Variants in SUSD4 observed in about 807,000 individuals in gnomAD.
SUSD4 encodes the protein sushi domain containing 4, also known as sushi domain-containing protein 4.
SUSD4 carries 41 observed loss-of-function variants against 50.5 expected under a neutral mutation model. The observed-to-expected ratio is 0.81, with a 90% CI of 0.63 to 1.05. SUSD4 has a LOEUF of 1.05. Among genes scored for constraint, SUSD4 ranks in the 50% least tolerant of loss-of-function variants. The probability of loss-of-function intolerance (pLI) is 0.00; values close to 1 mark genes in which losing one functional copy is unlikely to be tolerated. For missense variants in SUSD4, 580 were observed against 634.7 expected, an observed-to-expected ratio of 0.91 and a Z score of 0.93; for synonymous variants, 257 against 257.3, an observed-to-expected ratio of 1.00 and a Z score of 0.01.
At chr1:223,224,624 C>T (rs1050994124) in intron 7 of SUSD4, among the ~76,000 whole-genome samples, 25 of 152,190 alleles carry the variant, frequency 1.6e-4, no homozygotes, top group African/African-American at 6.0e-4. Flanking sequence ...GGTGTGAGGG[C>T]TCCAGGAGCG....
At chr1:223,262,579 T>C (rs1662199234) in intron 5 of SUSD4, among the ~76,000 whole-genome samples, 1 of 152,206 alleles carries the variant, frequency 6.6e-6, no homozygotes, top group South Asian at 2.1e-4. Flanking sequence ...GGATAACTTG[T>C]TCACGAATCC....
intron 3 of SUSD4, among the ~76,000 whole-genome samples, chr1:223,269,945 C>A (rs1197024334): frequency 1.3e-5 from 2 of 152,136 alleles, no homozygotes; most frequent in African/African-American, 2.4e-5. Context: ...AAGGGAAATG[C>A]TGTGGCTAGT....
Position 223,268,013 on chromosome 1 carries a change from T to TTATATATATATATATATATATA in SUSD4, c.535+467_535+488dup, listed in dbSNP as rs59885860. Among the ~76,000 whole-genome samples, 213 of 53,192 alleles carry TTATATATATATATATATATATA rather than the reference T, an allele frequency of 4.0e-3. 10 individuals are homozygous for TTATATATATATATATATATATA. The highest frequency in any genetic ancestry group is 8.4e-3 in the South Asian group (11 of 1,308). The allele number at this position is 53,192 out of a possible 152,430, so 34.9% of individuals were successfully genotyped here. A position where few individuals can be genotyped will look rare whatever the true frequency, so the allele number is the denominator to read the frequency against. On this transcript the variant is annotated intron_variant, in intron 4 of 8. Transcript: ENST00000366878. ...AATTTTTCTGCTCTTCATGCATTTT[T>TTATATATATATATATATATATA]TATATATATATATATATATATATAT...
Position 223,227,132 on chromosome 1 carries a change from CT to C in SUSD4, c.1061+461del, listed in dbSNP as rs1379700457. Among the ~76,000 whole-genome samples the C allele has an allele frequency of 6.6e-6, 1 of 152,174 alleles. No individual in the cohort carries two copies. The highest frequency in any genetic ancestry group is 2.4e-5 in the African/African-American group (1 of 41,438). ...TGATTGCTCCTGGAATCAGAAAAGT[CT>C]TTTCTCCTTCCTGAGGCTTCTCAAT... On this transcript the variant is annotated intron_variant, in intron 7 of 8. Coordinates refer to ENST00000366878, the MANE Select transcript of SUSD4 (RefSeq NM_017982.4). The surrounding 1 kb of genome is among the most constrained non-coding windows in gnomAD (Gnocchi z 4.5).
At chr1:223,344,719 G>A (rs553562124) in intron 2 of SUSD4, among the ~76,000 whole-genome samples, 9 of 152,252 alleles carry the variant, frequency 5.9e-5, no homozygotes, top group East Asian at 5.8e-4. Context: ...TCATTTAATC[G>A]GGATGGACAT....
At chr1:223,342,402 T>C (rs1179965113) in intron 2 of SUSD4, among the ~76,000 whole-genome samples, 1 of 152,232 alleles carries the variant, frequency 6.6e-6, no homozygotes, top group African/African-American at 2.4e-5. Flanking sequence ...ATCTACAAAA[T>C]TAACAAAATG....
At chr1:223,345,068 C>G (rs1667957557) in intron 2 of SUSD4, among the ~76,000 whole-genome samples, 1 of 152,198 alleles carries the variant, frequency 6.6e-6, no homozygotes, top group Non-Finnish European at 1.5e-5. Context: ...ATACACTATT[C>G]CTGTCACACA....
chr1:223,281,361 A>G (rs1406639586), intron 3 of SUSD4, among the ~76,000 whole-genome samples: 1 of 152,228 alleles, frequency 6.6e-6, no homozygotes, highest in African/African-American at 2.4e-5. Context: ...AAAGAAGAAA[A>G]GAGAGAAGAA....
intron 7 of SUSD4, among the ~76,000 whole-genome samples, chr1:223,226,151 CT>C (rs1659502736): frequency 6.6e-6 from 1 of 152,190 alleles, no homozygotes; most frequent in Non-Finnish European, 1.5e-5. Flanking sequence ...CAATCACAGC[CT>C]TGTGGGTTGG....
chr1:223,337,031 T>A (rs1232508876), intron 2 of SUSD4, among the ~76,000 whole-genome samples: 1 of 152,202 alleles, frequency 6.6e-6, no homozygotes. Context: ...TACTTTGTCG[T>A]TAACTTGTTT....
intron 3 of SUSD4, among the ~76,000 whole-genome samples, chr1:223,281,408 C>A (rs1281535591): frequency 6.6e-6 from 1 of 152,136 alleles, no homozygotes; most frequent in Non-Finnish European, 1.5e-5. Context: ...AAGGGGATAT[C>A]ACCACCAATC....
intron 5 of SUSD4, among the ~76,000 whole-genome samples, chr1:223,259,849 C>T (rs1661975364): frequency 6.6e-6 from 1 of 152,104 alleles, no homozygotes; most frequent in Non-Finnish European, 1.5e-5. Context: ...CATATTCCCA[C>T]CCTTCAAACC....
chr1:223,304,108 T>C (rs1558232631), intron 2 of SUSD4, among the ~76,000 whole-genome samples: 1 of 152,298 alleles, frequency 6.6e-6, no homozygotes, highest in Middle Eastern at 3.4e-3. Context: ...AGGCCTGTCT[T>C]ATCCATATGA....
In SUSD4 at chr1:223,227,704, C is replaced by A. The variant is rs1238490045; in HGVS notation, c.951G>T (p.Leu317=). The change falls in exon 7 of 9, where the codon CTG becomes CTT. Residue 317 remains leucine (L), a synonymous_variant. Transcript: ENST00000366878. This position sits in a 1 kb window ranked among gnomAD's most constrained non-coding sequence, Gnocchi z 4.5. ...QTWPSTHETL[L]TTWKIVAFTA... ...TGAACGCCACAATCTTCCACGTGGT[C>A]AGGAGGGTCTCATGGGTGCTGGGCC... 1.2e-6 allele frequency: 2 copies of A among 1,613,128 alleles called. No individual in the cohort carries two copies. The highest frequency in any genetic ancestry group is 1.7e-6 in the Non-Finnish European group (2 of 1,179,758).
intron 6 of SUSD4, among the ~76,000 whole-genome samples, chr1:223,228,398 G>A (rs1434629326): frequency 6.6e-6 from 1 of 152,190 alleles, no homozygotes; most frequent in Non-Finnish European, 1.5e-5. Flanking sequence ...TGCGCCTCCA[G>A]AGACCTGGCA....
intron 2 of SUSD4, among the ~76,000 whole-genome samples, chr1:223,344,371 A>G (rs180842583): frequency 6.6e-6 from 1 of 152,040 alleles, no homozygotes; most frequent in African/African-American, 2.4e-5. Context: ...CACAAAAATA[A>G]ATTTTGTGAG....
In SUSD4 at chr1:223,332,866, C is replaced by A. The variant is rs1164236769; in HGVS notation, c.148+30412G>T. ...GAGGGTGGGGACCATCCTGGGAGTG[C>A]CTTGCAATGGCCATCTTCCCATCTT... On this transcript the variant is annotated intron_variant, in intron 2 of 8. Transcript: ENST00000366878. This position sits in a 1 kb window ranked among gnomAD's most constrained non-coding sequence, Gnocchi z 4.0. Among the ~76,000 whole-genome samples, 2 of 152,106 alleles carry A rather than the reference C, an allele frequency of 1.3e-5. No homozygotes were observed. The highest frequency in any genetic ancestry group is 2.9e-5 in the Non-Finnish European group (2 of 68,022).
chr1:223,315,950 GT>G (rs1200084590), intron 2 of SUSD4, among the ~76,000 whole-genome samples: 1 of 152,108 alleles, frequency 6.6e-6, no homozygotes, highest in Non-Finnish European at 1.5e-5. Flanking sequence ...ACAATGGCAG[GT>G]TTTCAAAAGG....
At chr1:223,272,453 C>A (rs947853209) in intron 3 of SUSD4, among the ~76,000 whole-genome samples, 5 of 151,982 alleles carry the variant, frequency 3.3e-5, no homozygotes, top group Non-Finnish European at 7.4e-5. Flanking sequence ...ATATTTATAC[C>A]CAAGTACAAA....
Sources: gnomAD v4.1 joint callset for allele counts (sites outside exome capture counted in the v4.1 genomes callset) on GRCh38, gnomAD v4.1.1 for gene constraint, Gnocchi (gnomAD v3.1) non-coding constraint, MANE v1.5 for transcripts, NCBI Gene and HGNC (gene_info 2026-07-23, HGNC 2026-07-21) for gene names.